DPY19L2: variants seen among roughly 807,000 people sequenced by gnomAD.
DPY19L2 encodes dpy-19 like 2.
DPY19L2 carries 34 observed loss-of-function variants against 97.9 expected under a neutral mutation model. The ratio of observed to expected loss-of-function variants is 0.35; its 90% CI spans 0.26 to 0.46. The LOEUF (loss-of-function observed/expected upper bound fraction) is 0.46, where lower values mean the gene tolerates loss of function less well. Ranked by LOEUF, DPY19L2 falls within the 20% of genes least tolerant of loss-of-function variation. The pLI, the probability that DPY19L2 is intolerant of heterozygous loss-of-function variation, is 1.00. For missense variants in DPY19L2, 623 were observed against 911.4 expected (o/e 0.68, Z 4.07); for synonymous variants, 230 against 307.9 (o/e 0.75, Z 2.65).
At chr12:63,633,208 G>A (rs1214008976) in intron 6 of DPY19L2, among the ~76,000 whole-genome samples, 1 of 152,034 alleles carries the variant, frequency 6.6e-6, no homozygotes, top group Non-Finnish European at 1.5e-5. Flanking sequence ...AGCCGAAATT[G>A]ACAAATGGGA....
At position 63,600,377 on chromosome 12, in the gene DPY19L2, C is replaced by T. The variant is rs1884936811; in HGVS notation, c.1288G>A (p.Gly430Ser). 6.3e-7 allele frequency: 1 copy of T among 1,586,050 alleles called. No homozygotes were observed. The highest frequency in any genetic ancestry group is 1.7e-5 in the Admixed American group (1 of 59,620). ...ATTGTTCCACACCACCAGGCACTAC[C>T]TTGAATTAGCTAGAAAATAAAATAG... The part of the protein sequence containing the change: ...VSKLNFWLIQ[G>S]SAWWCGTIIL... Residue 430 changes from glycine (G) to serine (S), a missense_variant, in exon 13 of 22, where the codon GGT becomes AGT. Gly to Ser is a moderately conservative substitution (Grantham distance 56, BLOSUM62 0). Transcript: ENST00000324472.
At chr12:63,639,539 A>C (rs545791219) in intron 6 of DPY19L2, among the ~76,000 whole-genome samples, 1 of 152,344 alleles carries the variant, frequency 6.6e-6, no homozygotes, top group Non-Finnish European at 1.5e-5. Context: ...AAGTGGATGA[A>C]GGATATGAAC....
intron 19 of DPY19L2, among the ~76,000 whole-genome samples, chr12:63,573,488 T>C (rs1405351297): frequency 6.6e-6 from 1 of 151,974 alleles, no homozygotes. Context: ...GTTATTGGCC[T>C]TAAAGAGGAG....
chr12:63,639,710 G>A (rs1386374442), intron 6 of DPY19L2, among the ~76,000 whole-genome samples: 28 of 152,258 alleles, frequency 1.8e-4, no homozygotes, highest in African/African-American at 5.8e-4. Flanking sequence ...AACAGGTGCC[G>A]GAGAGGATGT....
chr12:63,589,357 CAAAAAAAAAAAAAAAAAAAAA>C (rs71086687), intron 16 of DPY19L2, among the ~76,000 whole-genome samples: 15 of 18,992 alleles, frequency 7.9e-4, no homozygotes, highest in Admixed American at 1.9e-3. Flanking sequence ...AAATGTGTTG[CAAAAAAAAAAAAAAAAAAAAA>C]AAAAAAAAAA....
At chr12:63,617,466 C>T in intron 10 of DPY19L2, 76 bp from the exon 11 acceptor site, 1 of 913,868 alleles carries the variant, frequency 1.1e-6, no homozygotes, top group Non-Finnish European at 1.6e-6. Context: ...GGTATATAGC[C>T]ATTTCTAATG....
rs1884920266 is a variant in DPY19L2, at chr12:63,600,287, T to G, written c.1359+19A>C. ...ACATATTTATAAGAACTTTCATGTT[T>G]TAACTAAAAAGTACTTACGTGGTCT... On this transcript the variant is annotated intron_variant, in intron 13 of 21. Coordinates refer to ENST00000324472, the MANE Select transcript of DPY19L2 (RefSeq NM_173812.5). The G allele has an allele frequency of 6.3e-7, 1 of 1,589,942 alleles. No homozygotes were observed. The highest frequency in any genetic ancestry group is 1.1e-5 in the South Asian group (1 of 90,288).
At chr12:63,626,190 A>T (rs1179450054) in intron 7 of DPY19L2, among the ~76,000 whole-genome samples, 3 of 151,450 alleles carry the variant, frequency 2.0e-5, no homozygotes, top group African/African-American at 4.8e-5. Context: ...AATGTGCATG[A>T]TATGATTCAA....
intron 4 of DPY19L2, among the ~76,000 whole-genome samples, chr12:63,658,035 C>A (rs1381837681): frequency 6.6e-6 from 1 of 152,134 alleles, no homozygotes; most frequent in Non-Finnish European, 1.5e-5. Flanking sequence ...TGTTATATTG[C>A]AGTTTGTCCG....
intron 6 of DPY19L2, among the ~76,000 whole-genome samples, chr12:63,629,757 A>T (rs1406831701): frequency 1.3e-5 from 2 of 152,146 alleles, no homozygotes; most frequent in African/African-American, 2.4e-5. Flanking sequence ...TCCAAGACAC[A>T]TAATTGTCAG....
chr12:63,617,401 T>A lies in DPY19L2; in HGVS notation c.1132-11A>T, dbSNP rs397793737. ...AAGGGTAACTGAAATCTGAAAAAAA[T>A]GAAAAAAATACATTTTATGGTTATT... On this transcript the variant is annotated splice_polypyrimidine_tract_variant and intron_variant, in intron 10 of 21. Transcript: ENST00000324472. 1 of 1,533,900 alleles carries A rather than the reference T, an allele frequency of 6.5e-7. No individual in the cohort carries two copies. Among genetic ancestry groups the A allele is most frequent in the Non-Finnish European group, 9.0e-7 (1 of 1,114,462 alleles).
At chr12:63,596,777 T>C (rs1454298164) in intron 14 of DPY19L2, among the ~76,000 whole-genome samples, 3 of 152,116 alleles carry the variant, frequency 2.0e-5, no homozygotes, top group Non-Finnish European at 2.9e-5. Flanking sequence ...ATGAAGAAAA[T>C]TGAGCTACAA....
intron 12 of DPY19L2, among the ~76,000 whole-genome samples, chr12:63,607,315 GC>G (rs1886208965): frequency 6.6e-5 from 10 of 151,958 alleles, no homozygotes; most frequent in African/African-American, 2.4e-4. Flanking sequence ...TTATTAAATT[GC>G]TCAATTTTTC....
chr12:63,582,521 G>C lies in DPY19L2; in HGVS notation c.1610C>G (p.Ala537Gly). ...RKQLLEHSEL[A>G]FHTLQLLVFT... Reference sequence around the variant, plus strand: ...CACTAACAACTGCAATGTGTGAAAAGCCAGCTATAAAACACAAATAAGACA... The same window carrying C: ...CACTAACAACTGCAATGTGTGAAAACCCAGCTATAAAACACAAATAAGACA... Residue 537 changes from alanine to glycine, a missense_variant, in exon 18 of 22, where the codon GCT (alanine) becomes GGT (glycine). By Grantham distance (60) the Ala-to-Gly change is moderately conservative. Around this residue, in one of 6 missense-constraint regions of DPY19L2, gnomAD observed 294 missense variants for 446.2 expected, o/e 0.66. Coordinates refer to ENST00000324472, the MANE Select transcript of DPY19L2 (RefSeq NM_173812.5). 1 of 1,605,976 alleles carries C rather than the reference G, an allele frequency of 6.2e-7. No homozygotes were observed. The highest frequency in any genetic ancestry group is 8.5e-7 in the Non-Finnish European group (1 of 1,177,552).
rs1389171300 is a variant in DPY19L2, at chr12:63,668,072, T to G, written c.322A>C (p.Thr108Pro). ...ELQARRFSSR[T>P]TLGIAVFVAI... ...CTCTCCTCACCGATGCCGAGAGTGGTTCTGCTGGAGAACCGCCGCGCCTGC... is the reference window on the plus strand; with the variant it reads ...CTCTCCTCACCGATGCCGAGAGTGGGTCTGCTGGAGAACCGCCGCGCCTGC... The change falls in exon 1 of 22, where the codon ACC becomes CCC. Residue 108 changes from threonine (T) to proline (P), a missense_variant. This residue lies in a region of DPY19L2 where 84 missense variants were observed against 125.4 expected (regional missense o/e 0.67). Coordinates refer to ENST00000324472, the MANE Select transcript of DPY19L2 (RefSeq NM_173812.5). 1 of 1,613,760 alleles carries G rather than the reference T, an allele frequency of 6.2e-7. No individual in the cohort carries two copies. Among genetic ancestry groups the G allele is most frequent in the Non-Finnish European group, 8.5e-7 (1 of 1,179,918 alleles).
At chr12:63,613,110 T>TTC (rs1887279371) in intron 11 of DPY19L2, among the ~76,000 whole-genome samples, 1 of 152,094 alleles carries the variant, frequency 6.6e-6, no homozygotes, top group Non-Finnish European at 1.5e-5. Flanking sequence ...ACACAAATTC[T>TTC]TCAGAAAACT....
At chr12:63,618,749 G>T (rs1251440083) in intron 9 of DPY19L2, among the ~76,000 whole-genome samples, 25 of 152,220 alleles carry the variant, frequency 1.6e-4, no homozygotes, top group Middle Eastern at 3.4e-3. Context: ...TTGCATAAAG[G>T]TGGTTCAAGA....
chr12:63,598,009 G>A, intron 13 of DPY19L2, 99 bp from the exon 14 acceptor site: 2 of 938,962 alleles, frequency 2.1e-6, no homozygotes, highest in Admixed American at 3.3e-5. Flanking sequence ...AGTTTATAGA[G>A]CAGATAAATC....
At chr12:63,591,138 A>G in intron 16 of DPY19L2, 1 of 455,612 alleles carries the variant, frequency 2.2e-6, no homozygotes, top group Non-Finnish European at 4.4e-6. Flanking sequence ...CTGGAACAAT[A>G]TAGAATGGTT....
Sources: gnomAD v4.1 joint callset for allele counts (sites outside exome capture counted in the v4.1 genomes callset) on GRCh38, gnomAD v4.1.1 for gene constraint, gnomAD v4.1.1 regional missense constraint, MANE v1.5 for transcripts, NCBI Gene and HGNC (gene_info 2026-07-23, HGNC 2026-07-21) for gene names.